The following SLX4IP variants were observed in gnomAD, a reference collection of about 807,000 sequenced individuals.
SLX4IP encodes the protein protein SLX4IP.
SLX4IP carries 34 observed loss-of-function variants against 32.9 expected under a neutral mutation model. That is an observed-to-expected ratio of 1.03 (90% CI 0.79 to 1.38). The LOEUF (loss-of-function observed/expected upper bound fraction) is 1.38, where lower values mean the gene tolerates loss of function less well. SLX4IP is among the 40% of genes most tolerant of loss of function. The probability of loss-of-function intolerance (pLI) is 0.00; values close to 1 mark genes in which losing one functional copy is unlikely to be tolerated. For missense variants in SLX4IP, 444 were observed against 479.0 expected (o/e 0.93, Z 0.68); for synonymous variants, 172 against 171.7 (o/e 1.00, Z -0.01).
intron 2 of SLX4IP, among the ~76,000 whole-genome samples, chr20:10,524,614 T>C (rs745585183): frequency 9.2e-5 from 14 of 152,248 alleles, no homozygotes; most frequent in Non-Finnish European, 1.9e-4. Flanking sequence ...TGAGTTGCTT[T>C]CAAGTTTTTA....
At chr20:10,533,549 C>T (rs1452440262) in intron 2 of SLX4IP, among the ~76,000 whole-genome samples, 3 of 150,900 alleles carry the variant, frequency 2.0e-5, no homozygotes, top group East Asian at 2.0e-4. Context: ...AACTCCTGAC[C>T]GCAGGTGATC....
At position 10,504,449 on chromosome 20, in the gene SLX4IP, C is replaced by T. The variant is rs187262239; in HGVS notation, c.27+46218C>T. Among the ~76,000 whole-genome samples, 10 of 152,270 alleles carry T rather than the reference C, an allele frequency of 6.6e-5. No homozygotes were observed. In the East Asian group the frequency reaches 1.7e-3, roughly 26 times the overall value. On this transcript the variant is annotated intron_variant, in intron 2 of 7. Transcript: ENST00000334534. ...GATGTAAAGAGCCCCTTCCTAGACC[C>T]GCTTCCTGGCCCATTATTCTGCCCT...
At chr20:10,452,765 C>T (rs911485294) in intron 1 of SLX4IP, among the ~76,000 whole-genome samples, 2 of 150,776 alleles carry the variant, frequency 1.3e-5, no homozygotes, top group East Asian at 1.9e-4. Context: ...GCAGGAGGAT[C>T]GCTTCAGTCC....
intron 4 of SLX4IP, among the ~76,000 whole-genome samples, chr20:10,561,558 T>G (rs75561565): frequency 1.3e-5 from 2 of 150,602 alleles, no homozygotes; most frequent in Non-Finnish European, 3.0e-5. Context: ...TTTTTTTTTT[T>G]GGTTATAGTA....
At chr20:10,464,968 T>C (rs2065368192) in intron 2 of SLX4IP, among the ~76,000 whole-genome samples, 1 of 152,182 alleles carries the variant, frequency 6.6e-6, no homozygotes, top group Non-Finnish European at 1.5e-5. Context: ...TCTTGAACTC[T>C]TTCAAGAGTT....
intron 3 of SLX4IP, among the ~76,000 whole-genome samples, chr20:10,557,109 CCATTTACCA>C (rs1256293088): frequency 2.0e-5 from 3 of 152,110 alleles, no homozygotes; most frequent in Non-Finnish European, 4.4e-5. Context: ...TCCGTGATGT[CCATTTACCA>C]CAGTTGCTTT....
At chr20:10,435,918 C>T (rs2065108052) in intron 1 of SLX4IP, among the ~76,000 whole-genome samples, 1 of 152,194 alleles carries the variant, frequency 6.6e-6, no homozygotes, top group Non-Finnish European at 1.5e-5. Flanking sequence ...TCCATTAACT[C>T]ATGGAGCCTA....
intron 1 of SLX4IP, among the ~76,000 whole-genome samples, chr20:10,448,247 C>T (rs555064262): frequency 6.6e-6 from 1 of 152,248 alleles, no homozygotes; most frequent in African/African-American, 2.4e-5. Context: ...TTCCTTCTTA[C>T]TCTTTTCTCT....
At chr20:10,587,912 T>C (rs917903709) in intron 4 of SLX4IP, among the ~76,000 whole-genome samples, 3 of 152,114 alleles carry the variant, frequency 2.0e-5, no homozygotes, top group African/African-American at 7.2e-5. Flanking sequence ...AGTTGGGAAA[T>C]GGCTCCTTGA....
intron 2 of SLX4IP, among the ~76,000 whole-genome samples, chr20:10,542,482 CATGACATGATTTT>C (rs1358885703): frequency 2.0e-5 from 3 of 152,156 alleles, no homozygotes; most frequent in African/African-American, 7.2e-5. Context: ...AGCTGATGCT[CATGACATGATTTT>C]AAGTGTTGCT....
chr20:10,615,550 T>A (rs1329853683), intron 6 of SLX4IP, among the ~76,000 whole-genome samples: 1 of 152,134 alleles, frequency 6.6e-6, no homozygotes, highest in Admixed American at 6.5e-5. Context: ...ACCTCCCTGC[T>A]TTGTGTCTAC....
At chr20:10,609,220 G>A (rs902504286) in intron 6 of SLX4IP, among the ~76,000 whole-genome samples, 1 of 152,204 alleles carries the variant, frequency 6.6e-6, no homozygotes, top group African/African-American at 2.4e-5. Flanking sequence ...TCAAGAGACA[G>A]CAGACTTCTC....
At chr20:10,615,088 G>A (rs2067010915) in intron 6 of SLX4IP, among the ~76,000 whole-genome samples, 1 of 152,022 alleles carries the variant, frequency 6.6e-6, no homozygotes, top group African/African-American at 2.4e-5. Context: ...TAATGGGTCT[G>A]TAGAAAATTT....
chr20:10,457,133 A>G (rs935649209), intron 1 of SLX4IP, among the ~76,000 whole-genome samples: 6 of 152,128 alleles, frequency 3.9e-5, no homozygotes, highest in Admixed American at 2.6e-4. Context: ...AGGGTTTTCT[A>G]TATATGAGAA....
chr20:10,595,696 C>G (rs1281776286), intron 4 of SLX4IP, among the ~76,000 whole-genome samples: 1 of 152,168 alleles, frequency 6.6e-6, no homozygotes, highest in Non-Finnish European at 1.5e-5. Flanking sequence ...CTAAGCATTT[C>G]AGTGCAGTAT....
At chr20:10,455,002 T>A (rs1440401368) in intron 1 of SLX4IP, among the ~76,000 whole-genome samples, 1 of 152,258 alleles carries the variant, frequency 6.6e-6, no homozygotes, top group Non-Finnish European at 1.5e-5. Context: ...CTAATGATGT[T>A]AAGCATCTTT....
At chr20:10,534,569 A>G (rs1369822449) in intron 2 of SLX4IP, among the ~76,000 whole-genome samples, 1 of 152,186 alleles carries the variant, frequency 6.6e-6, no homozygotes, top group Non-Finnish European at 1.5e-5. Flanking sequence ...AAGGTGGGGT[A>G]GAAGAAGGAA....
chr20:10,466,447 T>TCC (rs1005317811), intron 2 of SLX4IP, among the ~76,000 whole-genome samples: 1 of 152,008 alleles, frequency 6.6e-6, no homozygotes, highest in Non-Finnish European at 1.5e-5. Flanking sequence ...CTGCTTCCCT[T>TCC]CCCCCCCAAC....
In SLX4IP at chr20:10,535,075, G is replaced by A. The variant is rs375635443; in HGVS notation, c.28-21156G>A. 1.2e-4 allele frequency among the ~76,000 whole-genome samples: 18 copies of A among 152,214 alleles called. No individual in the cohort carries two copies. The South Asian group carries it at 2.1e-3, about 18-fold the overall frequency. ...TGTGGAGGCAGGGCATGGCATGATC[G>A]CTCTGGCAACAGACTGGTAATAGAT... On this transcript the variant is annotated intron_variant, in intron 2 of 7. Coordinates refer to ENST00000334534, the MANE Select transcript of SLX4IP (RefSeq NM_001009608.3).
Sources: allele counts gnomAD v4.1 joint callset (sites outside exome capture counted in the v4.1 genomes callset), GRCh38; gene constraint gnomAD v4.1.1; transcripts MANE v1.5; gene names NCBI Gene and HGNC (gene_info 2026-07-23, HGNC 2026-07-21).